MAP4K3: variants seen among roughly 807,000 people sequenced by gnomAD.
MAP4K3 encodes the protein MAPK/ERK kinase kinase kinase 3.
A neutral mutation model predicts 143.5 loss-of-function variants in MAP4K3; 94 were observed. The observed-to-expected ratio is 0.65, with a 90% CI of 0.55 to 0.78. The LOEUF (loss-of-function observed/expected upper bound fraction) is 0.78. MAP4K3 is among the 30% of genes least tolerant of loss of function. The probability of loss-of-function intolerance (pLI) is 0.00; values close to 1 mark genes in which losing one functional copy is unlikely to be tolerated. For synonymous variants in MAP4K3, 416 were observed against 347.2 expected (o/e 1.20, Z -2.20); for missense variants, 1,077 against 1,068.1 (o/e 1.01, Z -0.12).
chr2:39,415,762 G>C (rs1240338362), intron 1 of MAP4K3, among the ~76,000 whole-genome samples: 1 of 150,738 alleles, frequency 6.6e-6, no homozygotes, highest in Non-Finnish European at 1.5e-5. Context: ...GACCAGCCTG[G>C]CCAACGTGGT....
Position 39,437,120 on chromosome 2 carries a change from GGCCGCC to G in MAP4K3, c.-139_-134del, listed in dbSNP as rs78310928. 4,548 of 513,136 alleles carry G rather than the reference GGCCGCC, an allele frequency of 8.9e-3. 62 individuals are homozygous for G. Among genetic ancestry groups the G allele is most frequent in the South Asian group, 0.013 (360 of 26,910 alleles). 31.8% of individuals were successfully genotyped at this position (513,136 alleles called of 1,614,324 possible). A position where few individuals can be genotyped will look rare whatever the true frequency, so the allele number is the denominator to read the frequency against. ...TCACAATCACCCGGCTCCACGCTGC[GGCCGCC>G]GCCGCCGCCGCCGCTCCCCTCACGC... is the stretch of plus-strand genomic sequence containing the variant. On this transcript the variant is annotated 5_prime_UTR_variant, in exon 1 of 34. Transcript: ENST00000263881.
At chr2:39,394,256 C>G (rs570089446) in intron 1 of MAP4K3, among the ~76,000 whole-genome samples, 107 of 152,236 alleles carry the variant, frequency 7.0e-4, no homozygotes, top group Non-Finnish European at 1.3e-3. Flanking sequence ...ATATTTACTT[C>G]AATTGCATTA....
intron 2 of MAP4K3, among the ~76,000 whole-genome samples, chr2:39,363,554 A>T (rs1665828642): frequency 6.6e-6 from 1 of 151,012 alleles, no homozygotes; most frequent in Non-Finnish European, 1.5e-5. Flanking sequence ...CTGTAATCCC[A>T]GGTACTTTGG....
At chr2:39,431,099 AG>A (rs2148638729) in intron 1 of MAP4K3, among the ~76,000 whole-genome samples, 1 of 152,368 alleles carries the variant, frequency 6.6e-6, no homozygotes, top group African/African-American at 2.4e-5. Flanking sequence ...GGGAAGAGAC[AG>A]GCTATAAACA....
intron 26 of MAP4K3, among the ~76,000 whole-genome samples, chr2:39,269,579 A>C (rs558325246): frequency 1.1e-3 from 162 of 149,282 alleles, no homozygotes; most frequent in Non-Finnish European, 1.7e-3. Flanking sequence ...GGTTCAGGCA[A>C]TTCTCCTGCC....
intron 1 of MAP4K3, 118 bp downstream of exon 1, chr2:39,436,774 C>G (rs934966010): frequency 2.4e-5 from 20 of 833,644 alleles, no homozygotes; most frequent in Non-Finnish European, 3.5e-5. Flanking sequence ...AGCTCCTCCT[C>G]CCCGACTGCT....
rs926098253 is a variant in MAP4K3, at chr2:39,343,471, C to G, written c.246-19G>C. Reference sequence around the variant, plus strand: ...ATCTCGCCTATAAAGAGAAAAGAAGCATGTATCATATTTTCATGATTAAAA... The same window carrying G: ...ATCTCGCCTATAAAGAGAAAAGAAGGATGTATCATATTTTCATGATTAAAA... On this transcript the variant is annotated intron_variant, in intron 3 of 33. Coordinates refer to ENST00000263881, the MANE Select transcript of MAP4K3 (RefSeq NM_003618.4). The G allele has an allele frequency of 6.2e-6, 10 of 1,603,454 alleles. No homozygotes were observed. The African/African-American group carries it at 1.1e-4, about 17-fold the overall frequency.
intron 28 of MAP4K3, among the ~76,000 whole-genome samples, chr2:39,262,583 T>C (rs929412204): frequency 3.3e-5 from 5 of 152,200 alleles, no homozygotes; most frequent in Admixed American, 3.3e-4. Flanking sequence ...ACAACAGATT[T>C]TGATTACTTC....
intron 20 of MAP4K3, 40 bp downstream of exon 20, chr2:39,288,081 A>G (rs1200951910): frequency 1.9e-6 from 3 of 1,609,428 alleles, no homozygotes; most frequent in Non-Finnish European, 1.7e-6. Context: ...CCATAGTATG[A>G]AAACCTGGTA....
At chr2:39,323,247 C>T (rs531296666) in intron 12 of MAP4K3, 1 of 152,104 alleles carries the variant, frequency 6.6e-6, no homozygotes, top group African/African-American at 2.4e-5. Context: ...AATTATAATA[C>T]CAAAACAATG....
chr2:39,272,646 T>A, intron 24 of MAP4K3, 104 bp from the exon 25 acceptor site: 1 of 795,786 alleles, frequency 1.3e-6, no homozygotes, highest in Non-Finnish European at 2.1e-6. Context: ...GTCAGTTCTT[T>A]AAAAGTAAAT....
At chr2:39,256,395 C>A (rs941973411) in intron 31 of MAP4K3, among the ~76,000 whole-genome samples, 2 of 152,032 alleles carry the variant, frequency 1.3e-5, no homozygotes, top group Non-Finnish European at 2.9e-5. Flanking sequence ...TTTTAACAGG[C>A]TTTGCTAGGT....
chr2:39,315,689 A>T (rs546429977), intron 12 of MAP4K3, among the ~76,000 whole-genome samples: 1 of 152,318 alleles, frequency 6.6e-6, no homozygotes, highest in East Asian at 1.9e-4. Flanking sequence ...TATGTGCAAC[A>T]TCAGACTTGT....
chr2:39,372,692 A>G (rs1040530690), intron 2 of MAP4K3, among the ~76,000 whole-genome samples: 1 of 152,194 alleles, frequency 6.6e-6, no homozygotes, highest in African/African-American at 2.4e-5. Context: ...TGGGGAAAGG[A>G]CAGTCTCTTC....
chr2:39,290,302 A>C lies in MAP4K3; in HGVS notation c.1304T>G (p.Leu435Trp), dbSNP rs760645879. 6.2e-7 allele frequency: 1 copy of C among 1,607,970 alleles called. No individual in the cohort carries two copies. The highest frequency in any genetic ancestry group is 8.5e-7 in the Non-Finnish European group (1 of 1,177,536). The change falls in exon 19 of 34, where the codon TTG (leucine) becomes TGG (tryptophan). Residue 435 changes from leucine to tryptophan, a missense_variant. Physicochemically the swap from Leu to Trp is moderately conservative, Grantham distance 61. Around this residue, in one of 2 missense-constraint regions of MAP4K3, gnomAD observed 864 missense variants for 801.2 expected, o/e 1.08. Coordinates refer to ENST00000263881, the MANE Select transcript of MAP4K3 (RefSeq NM_003618.4). ...AATAAATCTGTCTACCTTTGGTGGC[A>C]AAGGAGGTGGAATTTTTGCTTTCAG... ...STLKAKIPPP[L>W]PPKPKSIFIP...
chr2:39,337,015 A>G, intron 5 of MAP4K3, 48 bp from the exon 6 acceptor site: 1 of 955,350 alleles, frequency 1.0e-6, no homozygotes, highest in South Asian at 1.5e-5. Context: ...ATCAAAGAGC[A>G]CTCTTTTGGA....
intron 8 of MAP4K3, among the ~76,000 whole-genome samples, chr2:39,329,834 G>A (rs1234001038): frequency 2.6e-5 from 4 of 152,076 alleles, no homozygotes; most frequent in South Asian, 4.1e-4. Flanking sequence ...GTTTACACCC[G>A]ACTTCCCAAA....
intron 3 of MAP4K3, among the ~76,000 whole-genome samples, chr2:39,353,733 TAGTAGCAGCAGCAGCAGC>T (rs1665523997): frequency 6.6e-6 from 1 of 151,626 alleles, no homozygotes; most frequent in Non-Finnish European, 1.5e-5. Context: ...GAAGTAGTAG[TAGTAGCAGCAGCAGCAGC>T]AGCAGCAGCA....
intron 1 of MAP4K3, among the ~76,000 whole-genome samples, chr2:39,385,993 T>G (rs115436362): frequency 1.3e-5 from 2 of 152,186 alleles, no homozygotes; most frequent in East Asian, 1.9e-4. Context: ...TTTTGCAGAA[T>G]TTATGAATTG....
Sources: allele counts gnomAD v4.1 joint callset (sites outside exome capture counted in the v4.1 genomes callset), GRCh38; gene constraint gnomAD v4.1.1; regional missense constraint gnomAD v4.1.1; transcripts MANE v1.5; gene names NCBI Gene and HGNC (gene_info 2026-07-23, HGNC 2026-07-21).